Variants in RARB observed in about 807,000 individuals in gnomAD.
The protein encoded by RARB is retinoic acid receptor beta.
RARB carries 17 observed loss-of-function variants against 51.9 expected under a neutral mutation model. That is an observed-to-expected ratio of 0.33 (90% CI 0.22 to 0.49). The LOEUF is 0.49. Ranked by LOEUF, RARB falls within the 20% of genes least tolerant of loss-of-function variation. RARB has a pLI of 0.99. For missense variants in RARB, 369 were observed against 550.8 expected, an observed-to-expected ratio of 0.67 and a Z score of 3.30; for synonymous variants, 215 against 195.4, an observed-to-expected ratio of 1.10 and a Z score of -0.84.
rs149888449 is a variant in RARB at position 25,580,289 on chromosome 3, G to A, written c.610-257G>A. Among the ~76,000 whole-genome samples the A allele has an allele frequency of 3.2e-3, 492 of 152,314 alleles. 3 individuals are homozygous for A. The highest frequency in any genetic ancestry group is 0.011 in the African/African-American group (473 of 41,564). On this transcript the variant is annotated intron_variant, in intron 4 of 7. Coordinates refer to ENST00000330688, the MANE Select transcript of RARB (RefSeq NM_000965.5). ...CTTGGGAAGCTGAGGCAGGAGAATC[G>A]TTTGAACCCGGGAGGTGGAGGTTGC...
At chr3:25,170,693 T>A (rs1700629525) in intron 4 of RARB, among the ~76,000 whole-genome samples, 1 of 152,150 alleles carries the variant, frequency 6.6e-6, no homozygotes, top group Non-Finnish European at 1.5e-5. Context: ...CAACAGAAAA[T>A]CATTCAAATG....
chr3:25,248,725 C>A (rs1355917439), intron 5 of RARB, among the ~76,000 whole-genome samples: 1 of 152,116 alleles, frequency 6.6e-6, no homozygotes. Flanking sequence ...CCTTGGCTGG[C>A]AATTTTTTCT....
At chr3:25,286,269 G>T (rs1258544294) in intron 5 of RARB, among the ~76,000 whole-genome samples, 1 of 151,480 alleles carries the variant, frequency 6.6e-6, no homozygotes, top group East Asian at 1.9e-4. Flanking sequence ...TTTGTATTTT[G>T]AGCAGAGACG....
chr3:25,222,249 T>TA (rs1440496756), intron 5 of RARB, among the ~76,000 whole-genome samples: 1 of 152,158 alleles, frequency 6.6e-6, no homozygotes, highest in African/African-American at 2.4e-5. Flanking sequence ...AATTGAGCCC[T>TA]ATCTCCTTCT....
At chr3:25,174,971 A>G (rs532293931) in intron 5 of RARB, among the ~76,000 whole-genome samples, 1 of 152,314 alleles carries the variant, frequency 6.6e-6, no homozygotes, top group South Asian at 2.1e-4. Flanking sequence ...TGGTTGTGAG[A>G]TCTTCTCTGA....
At chr3:25,529,660 G>A (rs538008772) in intron 3 of RARB, among the ~76,000 whole-genome samples, 64 of 152,224 alleles carry the variant, frequency 4.2e-4, no homozygotes, top group African/African-American at 1.5e-3. Flanking sequence ...CTTCGGGGGT[G>A]TTGGAACTAT....
chr3:25,303,500 G>A (rs535192855), intron 5 of RARB, among the ~76,000 whole-genome samples: 72 of 152,152 alleles, frequency 4.7e-4, no homozygotes, highest in Non-Finnish European at 9.9e-4. Context: ...CCGACTGAGT[G>A]CCAAAATGAA....
chr3:25,457,158 G>T (rs1694960643), intron 1 of RARB, among the ~76,000 whole-genome samples: 1 of 151,858 alleles, frequency 6.6e-6, no homozygotes, highest in Admixed American at 6.6e-5. Context: ...ATAGATCTGG[G>T]ATACAACTTG....
intron 2 of RARB, among the ~76,000 whole-genome samples, chr3:25,053,226 A>G (rs1698372058): frequency 6.6e-6 from 1 of 152,116 alleles, no homozygotes; most frequent in Non-Finnish European, 1.5e-5. Context: ...TGATGGTGGT[A>G]ATTAACTTTA....
intron 3 of RARB, among the ~76,000 whole-genome samples, chr3:25,545,366 G>A: frequency 6.6e-6 from 1 of 152,160 alleles, no homozygotes; most frequent in Admixed American, 6.5e-5. Flanking sequence ...TCTCAAAGGT[G>A]CTCAGTGTGG....
intron 2 of RARB, among the ~76,000 whole-genome samples, chr3:24,979,865 G>T (rs920650172): frequency 6.6e-6 from 1 of 152,134 alleles, no homozygotes; most frequent in Non-Finnish European, 1.5e-5. Flanking sequence ...TTTCTTCATA[G>T]CATCAATGGT....
intron 5 of RARB, among the ~76,000 whole-genome samples, chr3:25,367,831 AAAC>A (rs1553608164): frequency 1.3e-5 from 2 of 151,012 alleles, no homozygotes; most frequent in African/African-American, 2.4e-5. Flanking sequence ...AAAAAAACAA[AAAC>A]AAAACAAAAG....
chr3:25,442,994 T>C (rs564836436), intron 1 of RARB, among the ~76,000 whole-genome samples: 1 of 152,240 alleles, frequency 6.6e-6, no homozygotes, highest in Admixed American at 6.5e-5. Flanking sequence ...CCATATTCTA[T>C]GGAAGCCTCA....
Position 25,103,165 on chromosome 3 carries a change from C to G in RARB, c.-327-28996C>G, listed in dbSNP as rs540817563. Among the ~76,000 whole-genome samples, 4 of 152,276 alleles carry G rather than the reference C, an allele frequency of 2.6e-5. No individual in the cohort carries two copies. In the South Asian group the frequency reaches 6.2e-4, roughly 24 times the overall value. ...CCAGGATCATGAGCTTCGTTCCCCT[C>G]TGTTCTGCATTGCTTTCTTTGGGTG... On this transcript the variant is annotated intron_variant, in intron 3 of 11. Coordinates refer to the RARB transcript ENST00000383772.
chr3:25,415,480 A>G (rs1707678492), intron 5 of RARB, among the ~76,000 whole-genome samples: 1 of 152,166 alleles, frequency 6.6e-6, no homozygotes, highest in South Asian at 2.1e-4. Flanking sequence ...TTTTCCTGGT[A>G]TAAATCCTTT....
intron 2 of RARB, among the ~76,000 whole-genome samples, chr3:25,000,691 A>T (rs543573837): frequency 6.6e-6 from 1 of 152,256 alleles, no homozygotes; most frequent in East Asian, 1.9e-4. Flanking sequence ...GCTTTCTTTC[A>T]TTCATCATCT....
intron 3 of RARB, among the ~76,000 whole-genome samples, chr3:25,068,133 CAAAAAAAAAAAAAAAAAAAAAAAAAAAA>C (rs55826425): frequency 6.0e-5 from 2 of 33,250 alleles, no homozygotes; most frequent in Non-Finnish European, 1.1e-4. Context: ...GACTCCATCT[CAAAAAAAAAAAAAAAAAAAAAAAAAAAA>C]AAAAAAAAAA....
chr3:25,133,763 G>A (rs2125334113), intron 4 of RARB, among the ~76,000 whole-genome samples: 1 of 151,880 alleles, frequency 6.6e-6, no homozygotes, highest in East Asian at 1.9e-4. Flanking sequence ...CACATATGCA[G>A]ACACGCGTCC....
At chr3:24,976,334 G>T (rs1293019957) in intron 2 of RARB, among the ~76,000 whole-genome samples, 4 of 152,156 alleles carry the variant, frequency 2.6e-5, no homozygotes, top group Non-Finnish European at 4.4e-5. Flanking sequence ...AGATCCTTGA[G>T]GAATCACCAC....
Sources: gnomAD v4.1 joint callset for allele counts (sites outside exome capture counted in the v4.1 genomes callset) on GRCh38, gnomAD v4.1.1 for gene constraint, MANE v1.5 for transcripts, NCBI Gene and HGNC (gene_info 2026-07-23, HGNC 2026-07-21) for gene names.